PCDHGB3: variants seen among roughly 807,000 people sequenced by gnomAD.
PCDHGB3 encodes the protein protocadherin gamma-B3.
PCDHGB3 carries 40 observed loss-of-function variants against 59.2 expected under a neutral mutation model. That is an observed-to-expected ratio of 0.68 (90% CI 0.52 to 0.88). The LOEUF is 0.88. Ranked by LOEUF, PCDHGB3 falls within the 40% of genes least tolerant of loss-of-function variation. PCDHGB3 has a pLI of 0.00. For missense variants in PCDHGB3, 1,309 were observed against 1,187.9 expected, an observed-to-expected ratio of 1.10 and a Z score of -1.50; for synonymous variants, 581 against 503.6, an observed-to-expected ratio of 1.15 and a Z score of -2.06.
chr5:141,498,967 GGGAGGGAAGGAAGGAA>G (rs1333462541), intron 2 of PCDHGB3, among the ~76,000 whole-genome samples: 8 of 129,672 alleles, frequency 6.2e-5, no homozygotes, highest in East Asian at 2.2e-4. Context: ...GAGGGAGGGA[GGGAGGGAAGGAAGGAA>G]GGAAGGAAGG....
At position 141,374,676 on chromosome 5, in the gene PCDHGB3, G is replaced by T. The variant is rs372705367; in HGVS notation, c.2415+1867G>T. ...AAGTACCCGGAGCTGGTGCTGGAGG[G>T]CACACTGGACCGGGAAGGAGAAGCC... On this transcript the variant is annotated intron_variant, in intron 1 of 3. Coordinates refer to ENST00000576222, the MANE Select transcript of PCDHGB3 (RefSeq NM_018924.5). 8 of 1,610,386 alleles carry T rather than the reference G, an allele frequency of 5.0e-6. No individual in the cohort carries two copies. The African/African-American group carries it at 1.1e-4, about 22-fold the overall frequency.
At position 141,477,053 on chromosome 5, in the gene PCDHGB3, G is replaced by C; in HGVS notation, c.2416-17754G>C. ...GACAATCAAGGGTCGGCTGGACTTC[G>C]AGGACACCAAACTCCATGAGATTTA... On this transcript the variant is annotated intron_variant, in intron 1 of 3. Coordinates refer to ENST00000576222, the MANE Select transcript of PCDHGB3 (RefSeq NM_018924.5). This position sits in a 1 kb window ranked among gnomAD's most constrained non-coding sequence, Gnocchi z 4.9. The C allele has an allele frequency of 6.2e-7, 1 of 1,614,230 alleles. No homozygotes were observed. Among genetic ancestry groups the C allele is most frequent in the Non-Finnish European group, 8.5e-7 (1 of 1,180,032 alleles).
At chr5:141,409,908 C>T (rs1255447661) in intron 1 of PCDHGB3, 1 of 1,613,204 alleles carries the variant, frequency 6.2e-7, no homozygotes, top group Non-Finnish European at 8.5e-7. Context: ...GCTCTGGGTC[C>T]TGACGGCTCC....
intron 1 of PCDHGB3, among the ~76,000 whole-genome samples, chr5:141,473,466 G>A (rs1217251844): frequency 1.3e-5 from 2 of 151,738 alleles, no homozygotes; most frequent in East Asian, 1.9e-4. Flanking sequence ...TTAAAGTTGT[G>A]CCAAGTTCAA....
intron 1 of PCDHGB3, chr5:141,399,309 CA>C: frequency 6.2e-7 from 1 of 1,613,902 alleles, no homozygotes; most frequent in Non-Finnish European, 8.5e-7. Flanking sequence ...TCTCTTCATC[CA>C]AAAATTCGTA....
chr5:141,425,248 G>T (rs954872490), intron 1 of PCDHGB3, among the ~76,000 whole-genome samples: 2 of 152,178 alleles, frequency 1.3e-5, no homozygotes, highest in Admixed American at 1.3e-4. Context: ...AAAAGGATAT[G>T]AGGTATTTGG....
intron 1 of PCDHGB3, among the ~76,000 whole-genome samples, chr5:141,401,572 C>T (rs1013014550): frequency 3.3e-5 from 5 of 152,268 alleles, no homozygotes; most frequent in Middle Eastern, 3.4e-3. Flanking sequence ...TTCTCTTGCT[C>T]GGAATCCTGA....
At chr5:141,472,022 T>C (rs949257396) in intron 1 of PCDHGB3, among the ~76,000 whole-genome samples, 1 of 152,176 alleles carries the variant, frequency 6.6e-6, no homozygotes, top group Non-Finnish European at 1.5e-5. Flanking sequence ...CTATATTGTA[T>C]GTAGAAAGCT....
intron 2 of PCDHGB3, among the ~76,000 whole-genome samples, chr5:141,503,275 C>T (rs1466636672): frequency 1.3e-5 from 2 of 152,108 alleles, no homozygotes; most frequent in Non-Finnish European, 2.9e-5. Context: ...GCACCTGGCT[C>T]TGTGTCTGGT....
rs1224625072 is a variant in PCDHGB3 at position 141,490,972 on chromosome 5, C to A, written c.2416-3835C>A. On this transcript the variant is annotated intron_variant, in intron 1 of 3. Transcript: ENST00000576222. The surrounding 1 kb of genome is among the most constrained non-coding windows in gnomAD (Gnocchi z 5.4). ...AGACTGGGAACACTCAGCCCCCCAG[C>A]GTCTCCCTCGCTCTGCTCCTCCTGG... is the stretch of plus-strand genomic sequence containing the variant. 2 of 1,613,912 alleles carry A rather than the reference C, an allele frequency of 1.2e-6. No individual in the cohort carries two copies. Among genetic ancestry groups the A allele is most frequent in the Non-Finnish European group, 1.7e-6 (2 of 1,179,922 alleles).
chr5:141,421,130 A>G, intron 1 of PCDHGB3: 1 of 827,800 alleles, frequency 1.2e-6, no homozygotes, highest in South Asian at 1.8e-5. Context: ...GCTTTCTGAT[A>G]TATTTTGGAT....
At chr5:141,450,608 T>A (rs916441293) in intron 1 of PCDHGB3, among the ~76,000 whole-genome samples, 1 of 151,894 alleles carries the variant, frequency 6.6e-6, no homozygotes, top group East Asian at 1.9e-4. Flanking sequence ...TGCCTCAGCC[T>A]CCTGAGTAGC....
At chr5:141,506,969 A>G (rs923725359) in intron 3 of PCDHGB3, 7 of 152,208 alleles carry the variant, frequency 4.6e-5, no homozygotes, top group Non-Finnish European at 8.8e-5. Flanking sequence ...ATAGCTCTGC[A>G]AGGCAGGTCT....
Position 141,477,032 on chromosome 5 carries a change from A to G in PCDHGB3, c.2416-17775A>G, listed in dbSNP as rs1026169829. 2 of 1,614,134 alleles carry G rather than the reference A, an allele frequency of 1.2e-6. No homozygotes were observed. Among genetic ancestry groups the G allele is most frequent in the Non-Finnish European group, 1.7e-6 (2 of 1,180,044 alleles). ...AGACCTTGTAACCGGGATGCTGACA[A>G]TCAAGGGTCGGCTGGACTTCGAGGA... On this transcript the variant is annotated intron_variant, in intron 1 of 3. Transcript: ENST00000576222. This position sits in a 1 kb window ranked among gnomAD's most constrained non-coding sequence, Gnocchi z 4.9.
chr5:141,384,788 G>C (rs765446040), intron 1 of PCDHGB3: 21 of 1,613,120 alleles, frequency 1.3e-5, no homozygotes, highest in African/African-American at 2.7e-5. Context: ...CGCACGGCTC[G>C]GGCCCTGCTG....
chr5:141,503,598 CAAAAAAAAAA>C (rs765754054), intron 2 of PCDHGB3, among the ~76,000 whole-genome samples: 1 of 65,762 alleles, frequency 1.5e-5, no homozygotes. Context: ...GACTCCAGCT[CAAAAAAAAAA>C]AAAAAAGAAA....
intron 1 of PCDHGB3, among the ~76,000 whole-genome samples, chr5:141,455,406 CAG>C (rs1306843200): frequency 3.3e-5 from 5 of 152,226 alleles, no homozygotes; most frequent in Non-Finnish European, 5.9e-5. Flanking sequence ...CTTACAGAGA[CAG>C]AGGGAGCGGG....
At chr5:141,416,497 T>G (rs1426816820) in intron 1 of PCDHGB3, 3 of 152,116 alleles carry the variant, frequency 2.0e-5, no homozygotes, top group Non-Finnish European at 4.4e-5. Context: ...GAGCAAGAGA[T>G]ATATGACAAA....
chr5:141,393,555 C>A lies in PCDHGB3; in HGVS notation c.2415+20746C>A. ...CCCGGTTTTTCCTCACCCGATTTAC[C>A]GAGTGAAAGTCCTTGAGAACATGCC... On this transcript the variant is annotated intron_variant, in intron 1 of 3. Transcript: ENST00000576222. The A allele has an allele frequency of 5.0e-6, 8 of 1,613,928 alleles. 1 individual carries two copies. Among genetic ancestry groups the A allele is most frequent in the Non-Finnish European group, 6.8e-6 (8 of 1,179,886 alleles).
Sources: allele counts gnomAD v4.1 joint callset (sites outside exome capture counted in the v4.1 genomes callset), GRCh38; gene constraint gnomAD v4.1.1; non-coding constraint Gnocchi (gnomAD v3.1); transcripts MANE v1.5; gene names NCBI Gene and HGNC (gene_info 2026-07-23, HGNC 2026-07-21).